ZNF804A: variants seen among roughly 807,000 people sequenced by gnomAD.
The protein encoded by ZNF804A is zinc finger protein 804A.
Under a neutral mutation model 16.5 loss-of-function variants are expected in ZNF804A, and 2 were observed. That is an observed-to-expected ratio of 0.12 (90% CI 0.05 to 0.38). The LOEUF (loss-of-function observed/expected upper bound fraction) is 0.38. Ranked by LOEUF, ZNF804A falls within the 10% of genes least tolerant of loss-of-function variation. The pLI, the probability that ZNF804A is intolerant of heterozygous loss-of-function variation, is 0.99. For missense variants in ZNF804A, 1,473 were observed against 1,390.7 expected, an observed-to-expected ratio of 1.06 and a Z score of -0.94; for synonymous variants, 534 against 489.6, an observed-to-expected ratio of 1.09 and a Z score of -1.20.
At chr2:184,738,387 A>G (rs1693666384) in intron 1 of ZNF804A, among the ~76,000 whole-genome samples, 1 of 152,116 alleles carries the variant, frequency 6.6e-6, no homozygotes, top group African/African-American at 2.4e-5. Flanking sequence ...CTTAGAATGA[A>G]TCTTTTCCTG....
chr2:184,703,884 A>T (rs905376758), intron 1 of ZNF804A, among the ~76,000 whole-genome samples: 3 of 152,038 alleles, frequency 2.0e-5, no homozygotes, highest in Non-Finnish European at 4.4e-5. Flanking sequence ...TTTGAAGATA[A>T]ATCTGTTGAG....
At chr2:184,602,953 A>C (rs923131034) in intron 1 of ZNF804A, among the ~76,000 whole-genome samples, 1 of 152,074 alleles carries the variant, frequency 6.6e-6, no homozygotes, top group South Asian at 2.1e-4. Context: ...TTATTTTTCC[A>C]ATTGTCTACA....
At chr2:184,823,958 T>C (rs1299776233) in intron 1 of ZNF804A, among the ~76,000 whole-genome samples, 1 of 152,178 alleles carries the variant, frequency 6.6e-6, no homozygotes, top group African/African-American at 2.4e-5. Flanking sequence ...CAGGTAAGCT[T>C]TACAAGCAAA....
At chr2:184,815,648 G>A (rs1284309557) in intron 1 of ZNF804A, among the ~76,000 whole-genome samples, 3 of 151,772 alleles carry the variant, frequency 2.0e-5, no homozygotes, top group African/African-American at 7.3e-5. Flanking sequence ...ATTTAATTAT[G>A]TCTTTTAAAT....
At chr2:184,791,208 GA>G (rs1014961988) in intron 1 of ZNF804A, among the ~76,000 whole-genome samples, 7 of 152,218 alleles carry the variant, frequency 4.6e-5, no homozygotes, top group African/African-American at 1.7e-4. Flanking sequence ...TTTTGTTACT[GA>G]TGTAGTGTTG....
intron 1 of ZNF804A, among the ~76,000 whole-genome samples, chr2:184,759,633 G>T (rs1250630441): frequency 6.6e-6 from 1 of 151,790 alleles, no homozygotes; most frequent in Non-Finnish European, 1.5e-5. Context: ...TGATATTATT[G>T]TCAGGCCTCT....
intron 1 of ZNF804A, among the ~76,000 whole-genome samples, chr2:184,664,905 C>A (rs1037403813): frequency 6.6e-6 from 1 of 152,048 alleles, no homozygotes; most frequent in African/African-American, 2.4e-5. Flanking sequence ...GTAAACATTT[C>A]TGAATGGAAA....
At chr2:184,679,466 C>T (rs571908395) in intron 1 of ZNF804A, among the ~76,000 whole-genome samples, 1 of 152,196 alleles carries the variant, frequency 6.6e-6, no homozygotes, top group South Asian at 2.1e-4. Context: ...GGAGCCCCAC[C>T]CTCCCCGGTG....
chr2:184,766,183 C>T (rs912386188), intron 1 of ZNF804A, among the ~76,000 whole-genome samples: 2 of 151,960 alleles, frequency 1.3e-5, no homozygotes, highest in African/African-American at 2.4e-5. Flanking sequence ...TTCTAAGTTG[C>T]TAAACACACC....
intron 1 of ZNF804A, among the ~76,000 whole-genome samples, chr2:184,780,430 A>G (rs1440920226): frequency 6.6e-6 from 1 of 151,828 alleles, no homozygotes; most frequent in Non-Finnish European, 1.5e-5. Context: ...TTTTACAGGT[A>G]AGAAATCTGA....
chr2:184,852,772 A>C (rs1254661942), intron 1 of ZNF804A, among the ~76,000 whole-genome samples: 1 of 151,706 alleles, frequency 6.6e-6, no homozygotes, highest in Non-Finnish European at 1.5e-5. Flanking sequence ...GTGTATATTT[A>C]TTTCTGAACT....
Position 184,786,477 on chromosome 2 carries a change from A to G in ZNF804A, c.112-79892A>G, listed in dbSNP as rs1694450934. Among the ~76,000 whole-genome samples, 2 of 152,188 alleles carry G rather than the reference A, an allele frequency of 1.3e-5. 1 individual carries two copies. The highest frequency in any genetic ancestry group is 1.3e-4 in the Admixed American group (2 of 15,254). ...ATTTTTGTGACTAAATCTTTATAAT[A>G]GTACCATTAAGGAAATAAATTATTT... On this transcript the variant is annotated intron_variant, in intron 1 of 3. Coordinates refer to ENST00000302277, the MANE Select transcript of ZNF804A (RefSeq NM_194250.2).
chr2:184,703,006 A>G (rs1692950271), intron 1 of ZNF804A, among the ~76,000 whole-genome samples: 1 of 152,206 alleles, frequency 6.6e-6, no homozygotes, highest in East Asian at 1.9e-4. Context: ...CATATTATGC[A>G]TATCAGAATT....
At chr2:184,779,047 C>A (rs1694334009) in intron 1 of ZNF804A, among the ~76,000 whole-genome samples, 1 of 151,658 alleles carries the variant, frequency 6.6e-6, no homozygotes, top group Non-Finnish European at 1.5e-5. Flanking sequence ...CATCCACCAA[C>A]ACAATTTCAC....
intron 2 of ZNF804A, among the ~76,000 whole-genome samples, chr2:184,917,780 G>T (rs77250143): frequency 1.7e-3 from 257 of 147,972 alleles, no homozygotes; most frequent in African/African-American, 6.0e-3. Flanking sequence ...TGCAGATAAG[G>T]CATAACTAGC....
intron 1 of ZNF804A, among the ~76,000 whole-genome samples, chr2:184,615,923 C>T (rs1691312371): frequency 6.6e-6 from 1 of 152,084 alleles, no homozygotes; most frequent in Non-Finnish European, 1.5e-5. Flanking sequence ...GCCTGAAGAT[C>T]CAGCTATGTT....
chr2:184,792,455 A>T (rs72903746), intron 1 of ZNF804A, among the ~76,000 whole-genome samples: 11 of 152,208 alleles, frequency 7.2e-5, no homozygotes, highest in Non-Finnish European at 1.3e-4. Context: ...CCATCTGTTT[A>T]TCTTCTTTTG....
chr2:184,843,770 T>C (rs1388290209), intron 1 of ZNF804A, among the ~76,000 whole-genome samples: 2 of 152,172 alleles, frequency 1.3e-5, no homozygotes, highest in Admixed American at 6.6e-5. Flanking sequence ...TCTGATTATG[T>C]ATATTTAAAG....
chr2:184,804,377 A>T (rs887149500), intron 1 of ZNF804A, among the ~76,000 whole-genome samples: 1 of 152,186 alleles, frequency 6.6e-6, no homozygotes, highest in East Asian at 1.9e-4. Flanking sequence ...CTGTTTAAGC[A>T]TTTGGCAAAT....
Sources: gnomAD v4.1 joint callset for allele counts (sites outside exome capture counted in the v4.1 genomes callset) on GRCh38, gnomAD v4.1.1 for gene constraint, MANE v1.5 for transcripts, NCBI Gene and HGNC (gene_info 2026-07-23, HGNC 2026-07-21) for gene names.